The following CCDC62 variants were observed in gnomAD, a reference collection of about 807,000 sequenced individuals.
CCDC62 encodes coiled-coil domain containing 62.
CCDC62 carries 72 observed loss-of-function variants against 80.8 expected under a neutral mutation model. The observed-to-expected ratio is 0.89, with a 90% CI of 0.74 to 1.08. The LOEUF (loss-of-function observed/expected upper bound fraction) is 1.08. Ranked by LOEUF, CCDC62 falls within the 50% of genes least tolerant of loss-of-function variation. The pLI, the probability that CCDC62 is intolerant of heterozygous loss-of-function variation, is 0.00. For synonymous variants in CCDC62, 286 were observed against 296.5 expected (o/e 0.96, Z 0.36); for missense variants, 704 against 809.4 (o/e 0.87, Z 1.58).
At chr12:122,818,452 C>CAAAAAAAAAA (rs138729013) in intron 11 of CCDC62, among the ~76,000 whole-genome samples, 18 of 61,982 alleles carry the variant, frequency 2.9e-4, no homozygotes, top group African/African-American at 9.4e-4. Flanking sequence ...GACTCTGTCT[C>CAAAAAAAAAA]AAAAAAAAAA....
rs111707619 is a variant in CCDC62, at chr12:122,822,236, G to T, written c.2002-1130G>T. 2.4e-3 allele frequency among the ~76,000 whole-genome samples: 369 copies of T among 151,268 alleles called. 3 individuals are homozygous for T. The highest frequency in any genetic ancestry group is 8.1e-3 in the African/African-American group (333 of 41,192). Reference sequence around the variant, plus strand: ...CTCCTGCCTTTCAGCCTCCCAAGTCGCTGGGACTACAGGCGCGTGCCACCA... The same window carrying T: ...CTCCTGCCTTTCAGCCTCCCAAGTCTCTGGGACTACAGGCGCGTGCCACCA... On this transcript the variant is annotated intron_variant, in intron 11 of 12. Transcript: ENST00000253079.
rs761234276 is a variant in CCDC62 at position 122,788,828 on chromosome 12, C to G, written c.569C>G (p.Ala190Gly). 4.4e-6 allele frequency: 7 copies of G among 1,609,070 alleles called. No individual in the cohort carries two copies. In the South Asian group the frequency reaches 5.5e-5, roughly 13 times the overall value. Residue 190 changes from alanine to glycine, a missense_variant, in exon 5 of 13, where the codon GCC (alanine) becomes GGC (glycine). Transcript: ENST00000253079. ...CSGKFKMLEH[A>G]LRDAKMAETC... The stretch of plus-strand genomic sequence containing the variant: ...GGTAAATTTAAAATGCTAGAGCATG[C>G]CCTACGTGATGCCAAGATGGCGGAG...
At chr12:122,795,727 G>A (rs554792981) in intron 6 of CCDC62, among the ~76,000 whole-genome samples, 6 of 152,268 alleles carry the variant, frequency 3.9e-5, no homozygotes, top group South Asian at 4.1e-4. Context: ...TAGGCTGAGG[G>A]ACATGTTTTG....
chr12:122,807,030 G>A (rs977009739), intron 10 of CCDC62, among the ~76,000 whole-genome samples: 1 of 151,958 alleles, frequency 6.6e-6, no homozygotes, highest in African/African-American at 2.4e-5. Flanking sequence ...TATCTGCAGA[G>A]ACATGCATAC....
chr12:122,777,739 T>A, intron 2 of CCDC62, 56 bp downstream of exon 2: 6 of 1,499,376 alleles, frequency 4.0e-6, no homozygotes, highest in Non-Finnish European at 5.6e-6. Context: ...AACACATTGA[T>A]GGGCTCATAG....
At chr12:122,796,604 T>A (rs1003294352) in intron 6 of CCDC62, among the ~76,000 whole-genome samples, 25 of 152,056 alleles carry the variant, frequency 1.6e-4, no homozygotes, top group Non-Finnish European at 2.9e-4. Context: ...ATGCCTGTAA[T>A]CCCAGCATTT....
chr12:122,783,121 A>ATT (rs71085850), intron 3 of CCDC62, among the ~76,000 whole-genome samples: 1 of 150,348 alleles, frequency 6.7e-6, no homozygotes, highest in Non-Finnish European at 1.5e-5. Flanking sequence ...AAAAAGATGG[A>ATT]TTTTTTTGGT....
chr12:122,792,999 A>G (rs542092743), intron 6 of CCDC62, among the ~76,000 whole-genome samples: 2 of 152,152 alleles, frequency 1.3e-5, no homozygotes, highest in Non-Finnish European at 2.9e-5. Context: ...CTTGACTTAC[A>G]GGGTTACATT....
rs547916590 is a variant in CCDC62 at position 122,791,094 on chromosome 12, G to C, written c.671-926G>C. Among the ~76,000 whole-genome samples, 3 of 152,206 alleles carry C rather than the reference G, an allele frequency of 2.0e-5. No individual in the cohort carries two copies. In the South Asian group the frequency reaches 6.2e-4, roughly 32 times the overall value. On this transcript the variant is annotated intron_variant, in intron 5 of 12. Transcript: ENST00000253079. ...ATTTCATCCTCAGTGCAGTAGCAAGGCTTCTCACTGAGAAATGACACGAGC... is the reference window on the plus strand; with the variant it reads ...ATTTCATCCTCAGTGCAGTAGCAAGCCTTCTCACTGAGAAATGACACGAGC...
intron 3 of CCDC62, among the ~76,000 whole-genome samples, chr12:122,781,805 A>G (rs1004327258): frequency 3.9e-5 from 6 of 152,002 alleles, no homozygotes; most frequent in Non-Finnish European, 8.8e-5. Context: ...TGGGAGGCTG[A>G]GGTGGGAGGA....
chr12:122,812,844 GTTATTC>G (rs1172473321), intron 10 of CCDC62, among the ~76,000 whole-genome samples: 2 of 150,052 alleles, frequency 1.3e-5, no homozygotes, highest in African/African-American at 4.9e-5. Flanking sequence ...AATGAATTTA[GTTATTC>G]TTATTCTACT....
intron 2 of CCDC62, among the ~76,000 whole-genome samples, chr12:122,780,314 GAA>G (rs78834464): frequency 7.2e-5 from 7 of 97,470 alleles, no homozygotes; most frequent in Non-Finnish European, 8.2e-5. Flanking sequence ...CCGTCTCAAC[GAA>G]AAAAAAAAAA....
chr12:122,806,737 C>T (rs2031626003), intron 10 of CCDC62, among the ~76,000 whole-genome samples: 1 of 151,404 alleles, frequency 6.6e-6, no homozygotes, highest in East Asian at 1.9e-4. Flanking sequence ...GCCTTGGCCT[C>T]CCAAAGTGTG....
intron 9 of CCDC62, 21 bp from the exon 10 acceptor site, chr12:122,806,130 G>C (rs370022962): frequency 2.5e-6 from 4 of 1,600,134 alleles, no homozygotes; most frequent in Non-Finnish European, 3.4e-6. Flanking sequence ...ATTTGTTTTT[G>C]TTGGGTTTTC....
intron 10 of CCDC62, among the ~76,000 whole-genome samples, chr12:122,807,927 A>G (rs1566083899): frequency 6.6e-6 from 1 of 152,158 alleles, no homozygotes; most frequent in Non-Finnish European, 1.5e-5. Context: ...GTGACTGTGT[A>G]TATAAATAAT....
At chr12:122,800,316 C>T (rs1217734138) in intron 8 of CCDC62, among the ~76,000 whole-genome samples, 4 of 151,836 alleles carry the variant, frequency 2.6e-5, no homozygotes, top group Middle Eastern at 3.4e-3. Flanking sequence ...CGCCATGGCT[C>T]ACACCTGTAA....
intron 6 of CCDC62, among the ~76,000 whole-genome samples, chr12:122,792,782 T>C (rs1356911058): frequency 6.6e-6 from 1 of 152,188 alleles, no homozygotes; most frequent in African/African-American, 2.4e-5. Context: ...CCTCGCAAAG[T>C]GCTGGGATTA....
At chr12:122,795,491 G>A (rs901818363) in intron 6 of CCDC62, among the ~76,000 whole-genome samples, 8 of 150,896 alleles carry the variant, frequency 5.3e-5, no homozygotes, top group African/African-American at 1.5e-4. Flanking sequence ...TGGTGTGTTC[G>A]CGGCTCACTG....
Position 122,798,179 on chromosome 12 carries a change from A to G in CCDC62, c.956A>G (p.Glu319Gly). Reference sequence around the variant, plus strand: ...CAGATGTATGACTCAAAGATGGAGGAATCAAAGGCTCTGGACTCCAGGTAA... The same window carrying G: ...CAGATGTATGACTCAAAGATGGAGGGATCAAAGGCTCTGGACTCCAGGTAA... Reference protein sequence around the residue: ...LIQMYDSKMEESKALDSSRDM... With the variant: ...LIQMYDSKMEGSKALDSSRDM... The change falls in exon 8 of 13, where the codon GAA (glutamate) becomes GGA (glycine). Residue 319 changes from glutamate to glycine, a missense_variant. Physicochemically the swap from Glu to Gly is moderately conservative, Grantham distance 98. Coordinates refer to ENST00000253079, the MANE Select transcript of CCDC62 (RefSeq NM_201435.5). The G allele has an allele frequency of 1.9e-6, 3 of 1,562,442 alleles. No individual in the cohort carries two copies. The highest frequency in any genetic ancestry group is 1.1e-5 in the South Asian group (1 of 89,462).
Sources: allele counts gnomAD v4.1 joint callset (sites outside exome capture counted in the v4.1 genomes callset), GRCh38; gene constraint gnomAD v4.1.1; transcripts MANE v1.5; gene names NCBI Gene and HGNC (gene_info 2026-07-23, HGNC 2026-07-21).